LRMDA: variants seen among roughly 807,000 people sequenced by gnomAD.
The protein encoded by LRMDA is leucine-rich melanocyte differentiation-associated protein.
LRMDA carries 18 observed loss-of-function variants against 29.8 expected under a neutral mutation model. The observed-to-expected ratio is 0.60, with a 90% CI of 0.42 to 0.90. The LOEUF is 0.90. Ranked by LOEUF, LRMDA falls within the 40% of genes least tolerant of loss-of-function variation. LRMDA has a pLI of 0.00. For synonymous variants in LRMDA, 125 were observed against 109.4 expected, an observed-to-expected ratio of 1.14 and a Z score of -0.89; for missense variants, 273 against 273.9, an observed-to-expected ratio of 1.00 and a Z score of 0.02.
intron 5 of LRMDA, among the ~76,000 whole-genome samples, chr10:76,281,585 C>G (rs908951303): frequency 2.2e-4 from 34 of 152,140 alleles, no homozygotes; most frequent in African/African-American, 8.2e-4. Flanking sequence ...CCCCCATCAT[C>G]CATGAATTTT....
At chr10:75,490,893 TG>T (rs1342480467) in intron 2 of LRMDA, among the ~76,000 whole-genome samples, 3 of 152,316 alleles carry the variant, frequency 2.0e-5, no homozygotes, top group Admixed American at 6.5e-5. Flanking sequence ...TAGGTCACAC[TG>T]GCAATGGAAT....
chr10:76,396,786 T>C (rs1391855986), intron 6 of LRMDA, among the ~76,000 whole-genome samples: 5 of 152,240 alleles, frequency 3.3e-5, no homozygotes, highest in African/African-American at 1.2e-4. Flanking sequence ...TGAATTATTG[T>C]GTCTTTTCCT....
At chr10:75,733,008 C>T (rs1449330144) in intron 2 of LRMDA, among the ~76,000 whole-genome samples, 2 of 152,184 alleles carry the variant, frequency 1.3e-5, no homozygotes, top group Non-Finnish European at 2.9e-5. Flanking sequence ...AATTTAAGGA[C>T]AAGCCCCATA....
At chr10:76,273,612 A>G (rs142512983) in intron 5 of LRMDA, among the ~76,000 whole-genome samples, 159 of 152,310 alleles carry the variant, frequency 1.0e-3, no homozygotes, top group African/African-American at 3.7e-3. Context: ...CCCTGATGGC[A>G]ATCTCCAAAG....
At chr10:76,485,881 T>C (rs960866122) in intron 6 of LRMDA, among the ~76,000 whole-genome samples, 1 of 151,872 alleles carries the variant, frequency 6.6e-6, no homozygotes, top group Non-Finnish European at 1.5e-5. Flanking sequence ...AAGCTTTAGT[T>C]TGGGACTGCT....
rs995010507 is a variant in LRMDA, at chr10:76,517,086, T to C, written c.602-40123T>C. Among the ~76,000 whole-genome samples, 6 of 152,090 alleles carry C rather than the reference T, an allele frequency of 3.9e-5. No individual in the cohort carries two copies. In the East Asian group the frequency reaches 1.2e-3, roughly 29 times the overall value. On this transcript the variant is annotated intron_variant, in intron 6 of 6. Transcript: ENST00000611255. ...CTGAAATAACCAGAAATGGAAAGTC[T>C]AAGAGGTTAGATGATATAGAGGCTT...
intron 2 of LRMDA, among the ~76,000 whole-genome samples, chr10:75,736,277 G>T (rs897790994): frequency 2.6e-5 from 4 of 152,158 alleles, no homozygotes; most frequent in Admixed American, 1.3e-4. Context: ...TAGGTCAGTG[G>T]CCTAATAATG....
At chr10:75,446,361 G>A (rs1844396956) in intron 2 of LRMDA, among the ~76,000 whole-genome samples, 1 of 152,238 alleles carries the variant, frequency 6.6e-6, no homozygotes, top group Non-Finnish European at 1.5e-5. Context: ...ATAGCGCTTA[G>A]AAGATGGTGC....
At chr10:76,529,134 C>G (rs1232296953) in intron 6 of LRMDA, among the ~76,000 whole-genome samples, 1 of 152,120 alleles carries the variant, frequency 6.6e-6, no homozygotes, top group East Asian at 1.9e-4. Context: ...ATCACCTGTG[C>G]TTGGTGATGA....
intron 2 of LRMDA, among the ~76,000 whole-genome samples, chr10:75,460,694 C>T (rs1473194945): frequency 6.6e-6 from 1 of 152,042 alleles, no homozygotes; most frequent in East Asian, 1.9e-4. Context: ...AAATTGGGAT[C>T]AGCCTGTATA....
chr10:76,429,265 T>C (rs1441721136), intron 6 of LRMDA, among the ~76,000 whole-genome samples: 1 of 152,196 alleles, frequency 6.6e-6, no homozygotes, highest in Non-Finnish European at 1.5e-5. Context: ...GCCATGCGAA[T>C]AATGTGTACT....
chr10:76,191,160 T>C (rs965488654), intron 5 of LRMDA, among the ~76,000 whole-genome samples: 1 of 152,214 alleles, frequency 6.6e-6, no homozygotes, highest in Non-Finnish European at 1.5e-5. Flanking sequence ...TTTTGTTAAA[T>C]GATTGATTGA....
At chr10:75,796,035 A>C (rs368106236) in intron 2 of LRMDA, among the ~76,000 whole-genome samples, 1 of 152,198 alleles carries the variant, frequency 6.6e-6, no homozygotes, top group Non-Finnish European at 1.5e-5. Flanking sequence ...TGATTTTTGT[A>C]TATTAACTTT....
intron 2 of LRMDA, among the ~76,000 whole-genome samples, chr10:75,564,497 A>G (rs1158906704): frequency 5.3e-5 from 8 of 152,204 alleles, no homozygotes; most frequent in Non-Finnish European, 1.0e-4. Flanking sequence ...GAGTGAGGCA[A>G]TGCCTCATCC....
chr10:75,898,536 G>GC (rs1439320939), intron 2 of LRMDA, among the ~76,000 whole-genome samples: 1 of 152,078 alleles, frequency 6.6e-6, no homozygotes, highest in Non-Finnish European at 1.5e-5. Context: ...TGCTTTGCCT[G>GC]CCGGGAAAGC....
chr10:76,501,327 A>G (rs1213481697), intron 6 of LRMDA, among the ~76,000 whole-genome samples: 3 of 152,002 alleles, frequency 2.0e-5, no homozygotes, highest in Non-Finnish European at 4.4e-5. Context: ...TGGTGCAGCA[A>G]TGAACATTCA....
intron 5 of LRMDA, among the ~76,000 whole-genome samples, chr10:76,078,302 C>T (rs996835155): frequency 6.6e-6 from 1 of 151,974 alleles, no homozygotes; most frequent in South Asian, 2.1e-4. Flanking sequence ...AGCCACGGCT[C>T]CCGGCCAATA....
rs187268301 is a variant in LRMDA, at chr10:76,267,375, G to C, written c.517-57026G>C. Among the ~76,000 whole-genome samples the C allele has an allele frequency of 2.2e-4, 33 of 152,100 alleles. No homozygotes were observed. In the East Asian group the frequency reaches 6.4e-3, roughly 29 times the overall value. On this transcript the variant is annotated intron_variant, in intron 5 of 6. Transcript: ENST00000611255. ...AAACTTGTAAGCATAAAATTCAGTG[G>C]CATTAATGATATTCAAAGTGTTGTG...
intron 2 of LRMDA, among the ~76,000 whole-genome samples, chr10:75,870,951 T>C (rs1845099402): frequency 6.6e-6 from 1 of 152,200 alleles, no homozygotes; most frequent in Non-Finnish European, 1.5e-5. Context: ...TGTCATAAGA[T>C]TTAGAATCTC....
Sources: allele counts gnomAD v4.1 joint callset (sites outside exome capture counted in the v4.1 genomes callset), GRCh38; gene constraint gnomAD v4.1.1; transcripts MANE v1.5; gene names NCBI Gene and HGNC (gene_info 2026-07-23, HGNC 2026-07-21).